Variants in PAXBP1 observed in about 807,000 individuals in gnomAD.
PAXBP1 encodes PAX3 and PAX7 binding protein 1, also known as PAX3- and PAX7-binding protein 1.
In PAXBP1, 44 loss-of-function variants were observed where a neutral mutation model predicts 119.9. The ratio of observed to expected loss-of-function variants is 0.37; its 90% confidence interval spans 0.29 to 0.47. PAXBP1 has a LOEUF of 0.47. Ranked by LOEUF, PAXBP1 falls within the 20% of genes least tolerant of loss-of-function variation. The pLI is 0.99. For missense variants in PAXBP1, 898 were observed against 1,134.1 expected (o/e 0.79, Z 2.99); for synonymous variants, 393 against 406.6 (o/e 0.97, Z 0.40).
intron 8 of PAXBP1, among the ~76,000 whole-genome samples, chr21:32,752,791 C>A (rs1009641960): frequency 2.0e-5 from 3 of 152,084 alleles, no homozygotes. Flanking sequence ...TACAGGCACC[C>A]GCCACCAGCT....
intron 2 of PAXBP1, among the ~76,000 whole-genome samples, chr21:32,765,993 G>A (rs1329396834): frequency 1.3e-5 from 2 of 152,070 alleles, no homozygotes; most frequent in African/African-American, 2.4e-5. Flanking sequence ...AAATTAGCTG[G>A]GCTTGGTGGC....
chr21:32,741,145 G>A (rs553087114), intron 15 of PAXBP1, among the ~76,000 whole-genome samples: 2 of 152,286 alleles, frequency 1.3e-5, no homozygotes, highest in South Asian at 4.1e-4. Context: ...AAATTATACA[G>A]CCACTTCAGA....
In PAXBP1 at chr21:32,771,311, A is replaced by G. The variant is rs1258853200; in HGVS notation, c.343+15T>C. On this transcript the variant is annotated intron_variant, in intron 1 of 17. Coordinates refer to ENST00000331923, the MANE Select transcript of PAXBP1 (RefSeq NM_016631.4). Reference sequence around the variant, plus strand: ...GGATGCGGCCGTCTAAGGGCGTCCGAAGCGCGCACTTTACCTTCCTCCTCG... The same window carrying G: ...GGATGCGGCCGTCTAAGGGCGTCCGGAGCGCGCACTTTACCTTCCTCCTCG... 1 of 1,572,080 alleles carries G rather than the reference A, an allele frequency of 6.4e-7. No homozygotes were observed. The highest frequency in any genetic ancestry group is 1.7e-5 in the Admixed American group (1 of 58,176).
At position 32,735,013 on chromosome 21, in the gene PAXBP1, A is replaced by G. The variant is rs1435353558; in HGVS notation, c.2691T>C (p.His897=). Residue 897 remains histidine (H), a synonymous_variant, in exon 18 of 18, where the codon CAT becomes CAC. Transcript: ENST00000331923. ...TGTGGTCACTTGCAACAGACATAGC[A>G]TGATCCAAAGCTCGAACACTTGCAA... ...KLLASVRALD[H]AMSVASDHNV... The G allele has an allele frequency of 6.2e-7, 1 of 1,613,954 alleles. No individual in the cohort carries two copies.
At chr21:32,748,773 G>A in intron 10 of PAXBP1, 75 bp from the exon 11 acceptor site, 1 of 1,315,842 alleles carries the variant, frequency 7.6e-7, no homozygotes, top group Non-Finnish European at 1.0e-6. Flanking sequence ...TATTTTCAGT[G>A]TTTTCTTTGT....
intron 1 of PAXBP1, among the ~76,000 whole-genome samples, chr21:32,770,233 T>A (rs2044313473): frequency 6.6e-6 from 1 of 152,102 alleles, no homozygotes; most frequent in East Asian, 1.9e-4. Context: ...GGGGAAAAAA[T>A]CATTCAAAAT....
At chr21:32,763,371 G>C (rs2044182576) in intron 3 of PAXBP1, among the ~76,000 whole-genome samples, 1 of 151,956 alleles carries the variant, frequency 6.6e-6, no homozygotes, top group Admixed American at 6.6e-5. Context: ...GGTTTCCTTG[G>C]GATAAATCTC....
At chr21:32,739,450 G>C (rs2043741632) in intron 15 of PAXBP1, among the ~76,000 whole-genome samples, 1 of 152,120 alleles carries the variant, frequency 6.6e-6, no homozygotes. Context: ...TATGTAAAAG[G>C]TGCGGGACAG....
chr21:32,752,673 C>T (rs904623034), intron 8 of PAXBP1, among the ~76,000 whole-genome samples: 3 of 152,168 alleles, frequency 2.0e-5, no homozygotes, highest in Admixed American at 6.5e-5. Flanking sequence ...GAGTCTTGCT[C>T]TTGTCGCCCA....
At position 32,748,683 on chromosome 21, in the gene PAXBP1, T is replaced by C; in HGVS notation, c.1739A>G (p.Glu580Gly). Residue 580 changes from glutamate to glycine, a missense_variant, in exon 11 of 18, where the codon GAA (glutamate) becomes GGA (glycine). Glu to Gly is a moderately conservative substitution (Grantham distance 98). Around this residue, in one of 2 missense-constraint regions of PAXBP1, gnomAD observed 599 missense variants for 852.7 expected, o/e 0.70. Transcript: ENST00000331923. ...FNLEKDRISK[E>G]SGKVFEDVLE... ...GACATCTTCAAAAACTTTGCCGGAT[T>C]CTTTTGAAATTCGATCTAAAAACAA... 6.2e-7 allele frequency: 1 copy of C among 1,610,192 alleles called. No homozygotes were observed. The highest frequency in any genetic ancestry group is 8.5e-7 in the Non-Finnish European group (1 of 1,177,798).
chr21:32,742,900 C>T (rs1328263109), intron 15 of PAXBP1: 17 of 458,664 alleles, frequency 3.7e-5, no homozygotes, highest in Non-Finnish European at 6.5e-5. Flanking sequence ...ATATAGGGTT[C>T]GGTACTATCT....
At position 32,759,824 on chromosome 21, in the gene PAXBP1, C is replaced by G; in HGVS notation, c.1146G>C (p.Glu382Asp). 1.9e-6 allele frequency: 3 copies of G among 1,614,062 alleles called. No homozygotes were observed. Among genetic ancestry groups the G allele is most frequent in the Non-Finnish European group, 2.5e-6 (3 of 1,179,972 alleles). The change falls in exon 6 of 18, where the codon GAG becomes GAC. Residue 382 changes from glutamate to aspartate, a missense_variant. By Grantham distance (45) the Glu-to-Asp change is conservative. Around this residue, in one of 2 missense-constraint regions of PAXBP1, gnomAD observed 599 missense variants for 852.7 expected, o/e 0.70. Transcript: ENST00000331923. ...CCAAATCAATAGTAACGGGAGTCAT[C>G]TCATTACTGGGAGTTTTGAAAGGGA... The part of the protein sequence containing the change: ...NTVPFKTPSN[E>D]MTPVTIDLVK...
At chr21:32,754,920 A>G (rs148686536) in intron 8 of PAXBP1, among the ~76,000 whole-genome samples, 1 of 152,338 alleles carries the variant, frequency 6.6e-6, no homozygotes, top group African/African-American at 2.4e-5. Flanking sequence ...GGCCAAACAG[A>G]TAATGGTTTT....
At chr21:32,766,706 G>A (rs2044247656) in intron 2 of PAXBP1, among the ~76,000 whole-genome samples, 3 of 152,090 alleles carry the variant, frequency 2.0e-5, no homozygotes, top group Admixed American at 6.6e-5. Flanking sequence ...CTGCAGCCAC[G>A]GCTAATTCAT....
At chr21:32,739,337 G>C (rs910635089) in intron 15 of PAXBP1, among the ~76,000 whole-genome samples, 1 of 152,150 alleles carries the variant, frequency 6.6e-6, no homozygotes, top group African/African-American at 2.4e-5. Flanking sequence ...ATTACCAATG[G>C]AATGACCTTG....
At position 32,734,885 on chromosome 21, in the gene PAXBP1, C is replaced by T; in HGVS notation, c.*65G>A. 4 of 1,188,752 alleles carry T rather than the reference C, an allele frequency of 3.4e-6. No homozygotes were observed. Among genetic ancestry groups the T allele is most frequent in the Non-Finnish European group, 5.0e-6 (4 of 796,416 alleles). The allele number at this position is 1,188,752 out of a possible 1,614,324, so 73.6% of individuals were successfully genotyped here. A position where few individuals can be genotyped will look rare whatever the true frequency, so the allele number is the denominator to read the frequency against. On this transcript the variant is annotated 3_prime_UTR_variant, in exon 18 of 18. Coordinates refer to ENST00000331923, the MANE Select transcript of PAXBP1 (RefSeq NM_016631.4). The stretch of plus-strand genomic sequence containing the variant: ...CTATTTTACAGTTTAAGAAACTTTA[C>T]ATATATACAAAATTTACACATTGGG...
At chr21:32,747,087 G>A (rs554362290) in intron 11 of PAXBP1, among the ~76,000 whole-genome samples, 2 of 151,010 alleles carry the variant, frequency 1.3e-5, no homozygotes, top group East Asian at 2.0e-4. Flanking sequence ...GTTGGGGGGT[G>A]GGGGTGGGGA....
chr21:32,760,028 T>C (rs1436263907), intron 5 of PAXBP1, 34 bp from the exon 6 acceptor site: 2 of 1,529,128 alleles, frequency 1.3e-6, no homozygotes, highest in East Asian at 2.3e-5. Context: ...TGAAATCTGG[T>C]AGTTAAAACT....
chr21:32,757,050 C>T (rs2146502627), intron 7 of PAXBP1, among the ~76,000 whole-genome samples: 1 of 151,850 alleles, frequency 6.6e-6, no homozygotes, highest in African/African-American at 2.4e-5. Context: ...GGCAAAGAAC[C>T]CAAGAAAGAT....
Sources: gnomAD v4.1 joint callset for allele counts (sites outside exome capture counted in the v4.1 genomes callset) on GRCh38, gnomAD v4.1.1 for gene constraint, gnomAD v4.1.1 regional missense constraint, MANE v1.5 for transcripts, NCBI Gene and HGNC (gene_info 2026-07-23, HGNC 2026-07-21) for gene names.